The following ARFIP1 variants were observed in gnomAD, a reference collection of about 807,000 sequenced individuals.
ARFIP1 encodes ARF interacting protein 1.
ARFIP1 carries 24 observed loss-of-function variants against 42.5 expected under a neutral mutation model. That is an observed-to-expected ratio of 0.57 (90% confidence interval 0.41 to 0.80). ARFIP1 has a LOEUF of 0.80. ARFIP1 is among the 30% of genes least tolerant of loss of function. The pLI is 0.00. For missense variants in ARFIP1, 354 were observed against 434.0 expected (o/e 0.82, Z 1.64); for synonymous variants, 141 against 153.7 (o/e 0.92, Z 0.61).
intron 1 of ARFIP1, among the ~76,000 whole-genome samples, chr4:152,800,352 T>C (rs1728302729): frequency 6.6e-6 from 1 of 152,168 alleles, no homozygotes; most frequent in Admixed American, 6.5e-5. Context: ...CGTTTAATGC[T>C]ACAATAACCC....
intron 1 of ARFIP1, chr4:152,796,372 T>G: frequency 1.4e-6 from 1 of 724,234 alleles, no homozygotes; most frequent in Admixed American, 2.2e-5. Context: ...TAAAGACATC[T>G]CTAGCAAAGC....
At chr4:152,881,213 A>G in intron 6 of ARFIP1, 29 bp downstream of exon 6, 4 of 1,480,832 alleles carry the variant, frequency 2.7e-6, no homozygotes, top group East Asian at 2.3e-5. Context: ...ACTATTAGGG[A>G]TGGGAGAAAA....
At chr4:152,879,155 C>T (rs986991663) in intron 5 of ARFIP1, among the ~76,000 whole-genome samples, 5 of 150,892 alleles carry the variant, frequency 3.3e-5, no homozygotes, top group South Asian at 2.1e-4. Flanking sequence ...AAGGATTTCT[C>T]TACTTTTAAA....
intron 1 of ARFIP1, among the ~76,000 whole-genome samples, chr4:152,787,616 C>T (rs939424769): frequency 5.3e-5 from 8 of 152,236 alleles, no homozygotes; most frequent in African/African-American, 1.9e-4. Context: ...AGACTGTCCA[C>T]ATGAGTGGCT....
chr4:152,805,229 C>A (rs1218898759), intron 1 of ARFIP1, among the ~76,000 whole-genome samples: 1 of 152,214 alleles, frequency 6.6e-6, no homozygotes, highest in African/African-American at 2.4e-5. Flanking sequence ...TTATCTACTT[C>A]CTGATTGTAA....
At chr4:152,903,568 A>G (rs913809026) in intron 8 of ARFIP1, among the ~76,000 whole-genome samples, 12 of 151,928 alleles carry the variant, frequency 7.9e-5, no homozygotes, top group Non-Finnish European at 1.8e-4. Flanking sequence ...AACTGATCTG[A>G]TGTGCATGTA....
intron 3 of ARFIP1, among the ~76,000 whole-genome samples, chr4:152,864,504 AC>A (rs558260099): frequency 1.7e-4 from 26 of 152,346 alleles, no homozygotes; most frequent in African/African-American, 6.3e-4. Flanking sequence ...GCTTAATCAC[AC>A]AGGAATTGCT....
intron 2 of ARFIP1, among the ~76,000 whole-genome samples, chr4:152,863,222 C>T (rs1734030196): frequency 6.6e-6 from 1 of 152,114 alleles, no homozygotes; most frequent in Non-Finnish European, 1.5e-5. Flanking sequence ...TAGCCAGGCT[C>T]ATTGTGATTA....
intron 2 of ARFIP1, among the ~76,000 whole-genome samples, chr4:152,836,640 C>T (rs888563261): frequency 6.6e-6 from 1 of 152,068 alleles, no homozygotes; most frequent in African/African-American, 2.4e-5. Context: ...TAGTTTATTT[C>T]TCCAGCTTTG....
intron 3 of ARFIP1, among the ~76,000 whole-genome samples, chr4:152,869,894 G>A (rs1488833416): frequency 1.3e-5 from 2 of 152,070 alleles, no homozygotes; most frequent in African/African-American, 4.8e-5. Flanking sequence ...GTTTCCTCTG[G>A]TTCTCAAACT....
At chr4:152,872,204 G>T (rs755685802) in intron 4 of ARFIP1, among the ~76,000 whole-genome samples, 6 of 151,942 alleles carry the variant, frequency 3.9e-5, no homozygotes, top group Admixed American at 6.6e-5. Context: ...GAGTTTTTTT[G>T]TTTGTTTGTT....
intron 3 of ARFIP1, among the ~76,000 whole-genome samples, chr4:152,864,010 T>G (rs1237641073): frequency 6.6e-6 from 1 of 152,208 alleles, no homozygotes; most frequent in Non-Finnish European, 1.5e-5. Context: ...TATTTTAACT[T>G]GTAACCATGA....
At chr4:152,812,610 G>GC (rs1729559312) in intron 1 of ARFIP1, among the ~76,000 whole-genome samples, 1 of 152,196 alleles carries the variant, frequency 6.6e-6, no homozygotes. Context: ...TCAGCCTGGA[G>GC]CTCTAGACTT....
chr4:152,795,520 T>A (rs1177738852), intron 1 of ARFIP1, among the ~76,000 whole-genome samples: 1 of 152,180 alleles, frequency 6.6e-6, no homozygotes, highest in East Asian at 1.9e-4. Flanking sequence ...TTTGTATATT[T>A]GGAGGTATAT....
intron 8 of ARFIP1, among the ~76,000 whole-genome samples, chr4:152,891,257 G>A (rs933517246): frequency 1.3e-5 from 2 of 152,182 alleles, no homozygotes; most frequent in African/African-American, 4.8e-5. Flanking sequence ...GATATTCTTT[G>A]TTTTGGCTTT....
At chr4:152,850,950 A>G (rs1406804225) in intron 2 of ARFIP1, among the ~76,000 whole-genome samples, 2 of 152,220 alleles carry the variant, frequency 1.3e-5, no homozygotes, top group East Asian at 3.8e-4. Flanking sequence ...TCTGGCAGAT[A>G]CTTTTTATAG....
chr4:152,889,596 T>TATATATATACTATATATAC (rs1397188069), intron 8 of ARFIP1, among the ~76,000 whole-genome samples: 1 of 97,030 alleles, frequency 1.0e-5, no homozygotes, highest in Non-Finnish European at 2.1e-5. Flanking sequence ...TACACATAAA[T>TATATATATACTATATATAC]ATATATATAC....
intron 1 of ARFIP1, among the ~76,000 whole-genome samples, chr4:152,821,560 A>G (rs1433053203): frequency 6.6e-6 from 1 of 152,212 alleles, no homozygotes; most frequent in Non-Finnish European, 1.5e-5. Context: ...AAAAAATTGG[A>G]AAACTTATTT....
chr4:152,862,888 T>G (rs909800611), intron 2 of ARFIP1, among the ~76,000 whole-genome samples: 1 of 152,216 alleles, frequency 6.6e-6, no homozygotes, highest in African/African-American at 2.4e-5. Context: ...TTTTGCCTAA[T>G]CATTACTTAA....
Sources: allele counts gnomAD v4.1 joint callset (sites outside exome capture counted in the v4.1 genomes callset), GRCh38; gene constraint gnomAD v4.1.1; transcripts MANE v1.5; gene names NCBI Gene and HGNC (gene_info 2026-07-23, HGNC 2026-07-21).